The following RUFY3 variants were observed in gnomAD, a reference collection of about 807,000 sequenced individuals.
RUFY3 encodes RUN and FYVE domain containing 3, also known as protein RUFY3.
In RUFY3, 34 loss-of-function variants were observed where a neutral mutation model predicts 84.0. The observed-to-expected ratio is 0.40, with a 90% CI of 0.31 to 0.54. The LOEUF is 0.54. Ranked by LOEUF, RUFY3 falls within the 20% of genes least tolerant of loss-of-function variation. The pLI, the probability that RUFY3 is intolerant of heterozygous loss-of-function variation, is 0.39. For missense variants in RUFY3, 507 were observed against 736.8 expected (o/e 0.69, Z 3.61); for synonymous variants, 242 against 252.9 (o/e 0.96, Z 0.41).
chr4:70,749,653 T>C lies in RUFY3; in HGVS notation c.179-12866T>C, dbSNP rs145978709. ...AAAGCAGAATTACTTTTTTCTTGTC[T>C]TGTCTTTTTTTTTTTTTTTTGAGAC... On this transcript the variant is annotated intron_variant, in intron 1 of 17. Transcript: ENST00000381006. Among the ~76,000 whole-genome samples the C allele has an allele frequency of 1.9e-3, 281 of 150,506 alleles. 4 individuals carry two copies. In the East Asian group the frequency reaches 0.046, roughly 24 times the overall value.
At chr4:70,802,859 G>T in intron 15 of RUFY3, 97 bp from the exon 16 acceptor site, 2 of 854,016 alleles carry the variant, frequency 2.3e-6, no homozygotes, top group South Asian at 1.7e-5. Flanking sequence ...TTTCTTGTTT[G>T]AAAAAAATGT....
chr4:70,733,133 GGAGGGAGAGA>G lies in RUFY3; in HGVS notation c.178+10386_178+10395del, dbSNP rs1477883218. ...GAGAGAGAGAGAGGGAGGGAGGGAGGGAGGGAGAGAGAGAGAGAGAGAGAGAGAGAGAGAA... is the reference window on the plus strand; with the variant it reads ...GAGAGAGAGAGAGGGAGGGAGGGAGGGAGAGAGAGAGAGAGAGAGAGAGAA... On this transcript the variant is annotated intron_variant, in intron 1 of 17. Transcript: ENST00000381006. Among the ~76,000 whole-genome samples the G allele has an allele frequency of 2.1e-3, 187 of 88,312 alleles. 1 individual carries two copies. The highest frequency in any genetic ancestry group is 8.4e-3 in the African/African-American group (178 of 21,302). The allele number at this position is 88,312 out of a possible 152,430, so 57.9% of individuals were successfully genotyped here.
chr4:70,787,931 C>G (rs1730170518), intron 10 of RUFY3, among the ~76,000 whole-genome samples: 1 of 152,088 alleles, frequency 6.6e-6, no homozygotes, highest in Non-Finnish European at 1.5e-5. Context: ...CTTCGATCAC[C>G]CACATAATGT....
intron 5 of RUFY3, among the ~76,000 whole-genome samples, chr4:70,771,735 G>A (rs1225124239): frequency 6.6e-6 from 1 of 152,050 alleles, no homozygotes; most frequent in Non-Finnish European, 1.5e-5. Context: ...TCGCTATGTT[G>A]CCTAAGCTGG....
At chr4:70,767,718 A>C (rs965132470) in intron 4 of RUFY3, among the ~76,000 whole-genome samples, 2 of 151,200 alleles carry the variant, frequency 1.3e-5, no homozygotes, top group Non-Finnish European at 3.0e-5. Context: ...TTGCTCTGTC[A>C]CCCAGGCTGG....
chr4:70,790,695 G>A (rs1308364648), intron 12 of RUFY3, among the ~76,000 whole-genome samples: 4 of 152,168 alleles, frequency 2.6e-5, no homozygotes, highest in Non-Finnish European at 4.4e-5. Context: ...TCCGATGCGA[G>A]TGTAAGCTCC....
At chr4:70,792,704 C>T (rs1560566155) in intron 12 of RUFY3, 5 of 985,328 alleles carry the variant, frequency 5.1e-6, no homozygotes, top group Non-Finnish European at 6.0e-6. Context: ...TTTTTCTTGG[C>T]AAAACCAGAA....
chr4:70,722,225 C>T lies in RUFY3; in HGVS notation c.-349C>T, dbSNP rs908035632. ...TTAAAGCCAGCTAAGGCAGCATCAG[C>T]TGTGCGGGATTTAAAGCCTATAGCT... On this transcript the variant is annotated 5_prime_UTR_variant, in exon 1 of 18. Coordinates refer to ENST00000381006, the MANE Select transcript of RUFY3 (RefSeq NM_001037442.4). 1.1e-5 allele frequency: 14 copies of T among 1,229,222 alleles called. No homozygotes were observed. The highest frequency in any genetic ancestry group is 3.1e-4 in the Middle Eastern group (1 of 3,218). The allele number at this position is 1,229,222 out of a possible 1,614,324, so 76.1% of individuals were successfully genotyped here.
intron 14 of RUFY3, chr4:70,799,729 C>T (rs1731993244): frequency 6.2e-6 from 1 of 160,098 alleles, no homozygotes; most frequent in Non-Finnish European, 1.3e-5. Flanking sequence ...ACTGGGGCAT[C>T]AACTTGATTG....
chr4:70,750,437 T>G (rs1051956037), intron 1 of RUFY3, among the ~76,000 whole-genome samples: 1 of 152,198 alleles, frequency 6.6e-6, no homozygotes, highest in Non-Finnish European at 1.5e-5. Context: ...AATATGTCTT[T>G]TTATAGTTGG....
intron 5 of RUFY3, among the ~76,000 whole-genome samples, chr4:70,770,674 A>G (rs1166693400): frequency 6.6e-6 from 1 of 152,216 alleles, no homozygotes; most frequent in Non-Finnish European, 1.5e-5. Flanking sequence ...CCTGTCAGCA[A>G]TAAGGCTGTT....
chr4:70,733,154 G>A (rs13434623), intron 1 of RUFY3, among the ~76,000 whole-genome samples: 7,029 of 143,624 alleles, frequency 0.049, 573 homozygotes, highest in African/African-American at 0.16. Flanking sequence ...GAGAGAGAGA[G>A]AGAGAGAGAG....
Position 70,768,580 on chromosome 4 carries a change from A to T in RUFY3, c.615A>T (p.Gly205=), listed in dbSNP as rs768204417. The T allele has an allele frequency of 1.2e-6, 2 of 1,613,936 alleles. No homozygotes were observed. The highest frequency in any genetic ancestry group is 2.2e-5 in the South Asian group (2 of 91,060). The change falls in exon 5 of 18, where the codon GGA becomes GGT. Residue 205 remains glycine, a synonymous_variant. Transcript: ENST00000381006. ...EPNALMMEEE[G]AIIAGLLVGL... ...ATGCCCTCATGATGGAAGAAGAAGG[A>T]GCCATAATTGCTGGTCTGTTGGTGG...
intron 1 of RUFY3, among the ~76,000 whole-genome samples, chr4:70,740,045 A>C (rs1480022986): frequency 6.6e-6 from 1 of 152,022 alleles, no homozygotes; most frequent in Non-Finnish European, 1.5e-5. Context: ...AGGTCTAAGA[A>C]TGAAAAAAAA....
intron 2 of RUFY3, 99 bp downstream of exon 2, chr4:70,762,791 C>A: frequency 9.8e-7 from 1 of 1,020,374 alleles, no homozygotes; most frequent in Non-Finnish European, 1.4e-6. Flanking sequence ...GAATAAGAGG[C>A]TTGAATTAAT....
chr4:70,763,156 G>GT (rs1202450632), intron 2 of RUFY3, among the ~76,000 whole-genome samples: 1 of 151,806 alleles, frequency 6.6e-6, no homozygotes, highest in African/African-American at 2.4e-5. Flanking sequence ...TTTTCTTGTT[G>GT]TTTTTTGTTT....
chr4:70,775,090 G>C, intron 6 of RUFY3, 78 bp from the exon 7 acceptor site: 1 of 867,000 alleles, frequency 1.2e-6, no homozygotes, highest in Non-Finnish European at 1.7e-6. Context: ...TTTATGAAAA[G>C]ATGGGGTGGG....
At chr4:70,800,263 A>C in intron 15 of RUFY3, 58 bp downstream of exon 15, 1 of 1,401,542 alleles carries the variant, frequency 7.1e-7, no homozygotes, top group Non-Finnish European at 9.8e-7. Context: ...GGTGGGAAGG[A>C]GGGAGTTCTT....
intron 4 of RUFY3, among the ~76,000 whole-genome samples, chr4:70,767,674 G>C (rs1726206925): frequency 6.6e-6 from 1 of 151,492 alleles, no homozygotes; most frequent in Non-Finnish European, 1.5e-5. Flanking sequence ...ATTATCTATG[G>C]GTCTTCACGA....
Sources: gnomAD v4.1 joint callset for allele counts (sites outside exome capture counted in the v4.1 genomes callset) on GRCh38, gnomAD v4.1.1 for gene constraint, MANE v1.5 for transcripts, NCBI Gene and HGNC (gene_info 2026-07-23, HGNC 2026-07-21) for gene names.